SKAP1: variants seen among roughly 807,000 people sequenced by gnomAD.
The protein encoded by SKAP1 is src kinase associated phosphoprotein 1, also known as src kinase-associated phosphoprotein 1.
A neutral mutation model predicts 58.5 loss-of-function variants in SKAP1; 44 were observed. That is an observed-to-expected ratio of 0.75 (90% CI 0.59 to 0.97). The LOEUF is 0.97. Ranked by LOEUF, SKAP1 falls within the 50% of genes least tolerant of loss-of-function variation. The probability of loss-of-function intolerance (pLI) is 0.00; values close to 1 mark genes in which losing one functional copy is unlikely to be tolerated. For missense variants in SKAP1, 390 were observed against 435.2 expected (o/e 0.90, Z 0.92); for synonymous variants, 127 against 149.7 (o/e 0.85, Z 1.11).
intron 11 of SKAP1, among the ~76,000 whole-genome samples, chr17:48,139,101 G>A (rs762961112): frequency 2.7e-5 from 4 of 150,762 alleles, no homozygotes; most frequent in Non-Finnish European, 4.4e-5. Context: ...GGGTGGTCTC[G>A]AATTCCCGAC....
At chr17:48,441,330 T>G in the SKAP1 span, among the ~76,000 whole-genome samples, 1 of 152,132 alleles carries the variant, frequency 6.6e-6, no homozygotes, top group Non-Finnish European at 1.5e-5. Context: ...TGGATGTCCC[T>G]GGGTTACAGC....
At chr17:48,349,698 A>G (rs1204593417) in intron 3 of SKAP1, among the ~76,000 whole-genome samples, 1 of 152,190 alleles carries the variant, frequency 6.6e-6, no homozygotes, top group East Asian at 1.9e-4. Context: ...GGGGCCCATA[A>G]GCAGGATGAT....
At chr17:48,137,123 G>A in intron 12 of SKAP1, 106 bp downstream of exon 12, 1 of 643,818 alleles carries the variant, frequency 1.6e-6, no homozygotes, top group East Asian at 2.7e-5. Flanking sequence ...TATGAGAAAT[G>A]AAGAAAAGCT....
chr17:48,319,844 AAAAC>A (rs1374679677), intron 4 of SKAP1, among the ~76,000 whole-genome samples: 2 of 152,174 alleles, frequency 1.3e-5, no homozygotes, highest in Non-Finnish European at 2.9e-5. Flanking sequence ...CGTGTCTCAA[AAAAC>A]AAACAAACGA....
At chr17:48,342,207 A>G (rs1300468732) in intron 4 of SKAP1, among the ~76,000 whole-genome samples, 4 of 152,154 alleles carry the variant, frequency 2.6e-5, no homozygotes, top group Non-Finnish European at 5.9e-5. Context: ...TTAGTTCAGA[A>G]ATCTAAATGT....
chr17:48,196,058 A>T (rs1044260254), intron 4 of SKAP1, among the ~76,000 whole-genome samples: 4 of 152,234 alleles, frequency 2.6e-5, no homozygotes, highest in Non-Finnish European at 4.4e-5. Flanking sequence ...GCATTTTTAC[A>T]TCTAAGTCCC....
At chr17:48,254,825 G>C (rs1395386287) in intron 4 of SKAP1, among the ~76,000 whole-genome samples, 1 of 151,844 alleles carries the variant, frequency 6.6e-6, no homozygotes, top group African/African-American at 2.4e-5. Context: ...AAGCAATAAG[G>C]ATGTAAACTT....
intron 4 of SKAP1, among the ~76,000 whole-genome samples, chr17:48,311,509 C>T (rs1357281307): frequency 2.0e-5 from 3 of 152,102 alleles, no homozygotes; most frequent in Non-Finnish European, 4.4e-5. Flanking sequence ...AGAGGTGGAG[C>T]AGCAAGGGAT....
At chr17:48,378,785 G>A (rs1289826628) in intron 2 of SKAP1, among the ~76,000 whole-genome samples, 4 of 152,128 alleles carry the variant, frequency 2.6e-5, no homozygotes, top group Non-Finnish European at 5.9e-5. Flanking sequence ...AGCCCTCAAG[G>A]GGCAGTGGCA....
At chr17:48,314,100 T>G (rs886777223) in intron 4 of SKAP1, among the ~76,000 whole-genome samples, 4 of 152,206 alleles carry the variant, frequency 2.6e-5, no homozygotes, top group African/African-American at 9.7e-5. Flanking sequence ...GTTTTCATTA[T>G]CTTGTCTTAG....
At chr17:48,288,804 T>G (rs1344675709) in intron 4 of SKAP1, among the ~76,000 whole-genome samples, 1 of 152,184 alleles carries the variant, frequency 6.6e-6, no homozygotes. Context: ...AGAGAAATGC[T>G]GGGAAATAGC....
chr17:48,271,439 T>C (rs1432772938), intron 4 of SKAP1, among the ~76,000 whole-genome samples: 1 of 142,128 alleles, frequency 7.0e-6, no homozygotes, highest in African/African-American at 2.6e-5. Flanking sequence ...CAATCACAGC[T>C]CACTGCAGCC....
At chr17:48,420,008 T>C (rs1294377611) in intron 1 of SKAP1, among the ~76,000 whole-genome samples, 2 of 152,160 alleles carry the variant, frequency 1.3e-5, no homozygotes, top group Non-Finnish European at 2.9e-5. Context: ...AATTAAGCAG[T>C]GGAACTCAAA....
At chr17:48,365,968 C>T (rs971149581) in intron 2 of SKAP1, among the ~76,000 whole-genome samples, 1 of 152,048 alleles carries the variant, frequency 6.6e-6, no homozygotes, top group Non-Finnish European at 1.5e-5. Context: ...CATGGCTTCA[C>T]CCTGCTAAAA....
At chr17:48,393,208 T>C (rs376063589) in intron 2 of SKAP1, among the ~76,000 whole-genome samples, 26 of 152,186 alleles carry the variant, frequency 1.7e-4, no homozygotes, top group East Asian at 9.6e-4. Context: ...GGACAACAAA[T>C]ACCACAATAG....
At chr17:48,358,275 A>G (rs907429155) in intron 3 of SKAP1, among the ~76,000 whole-genome samples, 1 of 152,250 alleles carries the variant, frequency 6.6e-6, no homozygotes, top group African/African-American at 2.4e-5. Context: ...GAGTATTTTC[A>G]TAAATAAAAT....
intron 11 of SKAP1, among the ~76,000 whole-genome samples, chr17:48,152,902 A>G (rs980476352): frequency 1.7e-4 from 26 of 152,228 alleles, no homozygotes; most frequent in African/African-American, 6.3e-4. Context: ...AGCATCGGGC[A>G]ATTCTGAGCA....
chr17:48,276,770 C>T (rs2065706309), intron 4 of SKAP1, among the ~76,000 whole-genome samples: 1 of 152,182 alleles, frequency 6.6e-6, no homozygotes, highest in African/African-American at 2.4e-5. Flanking sequence ...GAGGTATCAT[C>T]AGTACTTTCA....
At chr17:48,213,856 T>C (rs906154171) in intron 4 of SKAP1, among the ~76,000 whole-genome samples, 32 of 152,342 alleles carry the variant, frequency 2.1e-4, no homozygotes, top group East Asian at 3.9e-4. Context: ...GGAGAACAAA[T>C]GTGTTTTTTA....
Sources: allele counts gnomAD v4.1 joint callset (sites outside exome capture counted in the v4.1 genomes callset), GRCh38; gene constraint gnomAD v4.1.1; transcripts MANE v1.5; gene names NCBI Gene and HGNC (gene_info 2026-07-23, HGNC 2026-07-21).